SHANK2: variants seen among roughly 807,000 people sequenced by gnomAD.
The protein encoded by SHANK2 is SH3 and multiple ankyrin repeat domains 2.
SHANK2 carries 43 observed loss-of-function variants against 133.7 expected under a neutral mutation model. That is an observed-to-expected ratio of 0.32 (90% CI 0.25 to 0.41). SHANK2 has a LOEUF of 0.41. SHANK2 is among the 10% of genes least tolerant of loss of function. SHANK2 has a pLI of 1.00. For synonymous variants in SHANK2, 1,017 were observed against 952.8 expected, an observed-to-expected ratio of 1.07 and a Z score of -1.24; for missense variants, 1,994 against 2,235.8, an observed-to-expected ratio of 0.89 and a Z score of 2.18.
At chr11:71,082,588 T>C (rs1415443951) in intron 8 of SHANK2, among the ~76,000 whole-genome samples, 1 of 152,120 alleles carries the variant, frequency 6.6e-6, no homozygotes, top group Non-Finnish European at 1.5e-5. Context: ...CCAGAAAGCT[T>C]GGACCCAGAA....
At chr11:70,727,250 G>A (rs1047482549) in intron 14 of SHANK2, among the ~76,000 whole-genome samples, 11 of 152,342 alleles carry the variant, frequency 7.2e-5, no homozygotes, top group Admixed American at 2.6e-4. Flanking sequence ...AATGCATTGC[G>A]AATTTTAAAG....
chr11:70,576,882 C>T (rs2060122278), intron 17 of SHANK2, among the ~76,000 whole-genome samples: 1 of 152,228 alleles, frequency 6.6e-6, no homozygotes, highest in African/African-American at 2.4e-5. Context: ...TGAGGGGGGC[C>T]ATGAGTCAGC....
chr11:70,800,241 G>T (rs1040326257), intron 13 of SHANK2, among the ~76,000 whole-genome samples: 6 of 152,124 alleles, frequency 3.9e-5, no homozygotes, highest in Non-Finnish European at 8.8e-5. Flanking sequence ...GCCCAGGCTG[G>T]TTTCAAAACC....
chr11:70,680,407 G>A lies in SHANK2; in HGVS notation c.1853+18281C>T, dbSNP rs536583862. 1.1e-4 allele frequency among the ~76,000 whole-genome samples: 17 copies of A among 152,256 alleles called. 1 individual carries two copies. The South Asian group carries it at 3.5e-3, about 32-fold the overall frequency. On this transcript the variant is annotated intron_variant, in intron 15 of 25. Coordinates refer to ENST00000601538, the MANE Select transcript of SHANK2 (RefSeq NM_012309.5). ...CCACCCAGGCTCCAGAGGAGGGGCT[G>A]CTTGTGTTCTCTGGTTTCTAGTGGC... is the stretch of plus-strand genomic sequence containing the variant.
At chr11:70,637,574 G>A (rs1555004791) in intron 17 of SHANK2, among the ~76,000 whole-genome samples, 1 of 152,184 alleles carries the variant, frequency 6.6e-6, no homozygotes, top group Admixed American at 6.5e-5. Context: ...CCATCGGGAA[G>A]CAGCCACTGC....
chr11:70,661,006 C>A (rs1555013104), intron 16 of SHANK2, among the ~76,000 whole-genome samples: 1 of 152,244 alleles, frequency 6.6e-6, no homozygotes, highest in Non-Finnish European at 1.5e-5. Context: ...CCATGGACTG[C>A]ATTCCTGAGC....
intron 2 of SHANK2, among the ~76,000 whole-genome samples, chr11:71,210,210 G>GTGTATATATATGTGTATATATA (rs1491563939): frequency 3.7e-5 from 2 of 54,064 alleles, no homozygotes; most frequent in Non-Finnish European, 6.5e-5. Flanking sequence ...AAATCCACAG[G>GTGTATATATATGTGTATATATA]TATATATATA....
chr11:70,605,548 C>T lies in SHANK2; in HGVS notation c.2061+54280G>A, dbSNP rs141103050. ...TGAGCTCCTGCAGATTTCTTAATGG[C>T]CGGCTGCCTCCGGTGGCCTTATTTT... On this transcript the variant is annotated intron_variant, in intron 17 of 25. Transcript: ENST00000601538. Among the ~76,000 whole-genome samples the T allele has an allele frequency of 5.5e-3, 835 of 152,358 alleles. 6 individuals are homozygous for T. Among genetic ancestry groups the T allele is most frequent in the Non-Finnish European group, 8.0e-3 (543 of 68,042 alleles).
chr11:71,131,637 T>C, intron 3 of SHANK2, among the ~76,000 whole-genome samples: 1 of 152,164 alleles, frequency 6.6e-6, no homozygotes, highest in East Asian at 1.9e-4. Context: ...GGGGGTGACT[T>C]AATCTTCCTC....
chr11:71,241,282 T>C (rs1954887218), intron 1 of SHANK2, among the ~76,000 whole-genome samples: 1 of 151,740 alleles, frequency 6.6e-6, no homozygotes, highest in South Asian at 2.1e-4. Context: ...CGGTTAACCA[T>C]TCCATAGAAT....
At chr11:70,839,304 T>C (rs782164055) in intron 11 of SHANK2, among the ~76,000 whole-genome samples, 4 of 152,158 alleles carry the variant, frequency 2.6e-5, no homozygotes, top group Non-Finnish European at 5.9e-5. Context: ...CTTTATTTGG[T>C]AACTCAGCCT....
At chr11:71,130,693 C>T (rs1952284723) in intron 3 of SHANK2, among the ~76,000 whole-genome samples, 1 of 152,158 alleles carries the variant, frequency 6.6e-6, no homozygotes, top group Admixed American at 6.5e-5. Flanking sequence ...TCAGGTGAGA[C>T]TTACATCCAC....
In SHANK2 at chr11:71,119,165, G is replaced by A. The variant is rs150564565; in HGVS notation, c.208-133C>T. On this transcript the variant is annotated intron_variant, in intron 3 of 25. Coordinates refer to ENST00000601538, the MANE Select transcript of SHANK2 (RefSeq NM_012309.5). Reference sequence around the variant, plus strand: ...ACTTCCTCTGAGCAGTGAACCCACGGCTTTTCACAGTGAAAAATAAAGCCT... The same window carrying A: ...ACTTCCTCTGAGCAGTGAACCCACGACTTTTCACAGTGAAAAATAAAGCCT... 497 of 666,782 alleles carry A rather than the reference G, an allele frequency of 7.5e-4. No individual in the cohort carries two copies. The African/African-American group carries it at 8.3e-3, about 11-fold the overall frequency. 41.3% of individuals were successfully genotyped at this position (666,782 alleles called of 1,614,324 possible).
chr11:71,086,792 C>T (rs891125248), intron 8 of SHANK2, among the ~76,000 whole-genome samples: 1 of 152,092 alleles, frequency 6.6e-6, no homozygotes, highest in South Asian at 2.1e-4. Flanking sequence ...CCTGCAGGCC[C>T]GTGCAGGGCA....
intron 12 of SHANK2, among the ~76,000 whole-genome samples, chr11:70,815,077 G>T (rs782643861): frequency 1.3e-5 from 2 of 152,168 alleles, no homozygotes; most frequent in Admixed American, 6.5e-5. Context: ...GCCCCCAGGG[G>T]CGGAGCTGGC....
intron 2 of SHANK2, among the ~76,000 whole-genome samples, chr11:71,162,910 A>C (rs538277531): frequency 6.6e-6 from 1 of 151,654 alleles, no homozygotes; most frequent in South Asian, 2.1e-4. Flanking sequence ...GTCTCTACTA[A>C]AAATACAAAA....
At chr11:70,688,167 G>A (rs2000516) in intron 15 of SHANK2, among the ~76,000 whole-genome samples, 9,895 of 152,104 alleles carry the variant, frequency 0.065, 369 homozygotes, top group Middle Eastern at 0.11. Context: ...GACCAAGTGC[G>A]CCCAGCCCCA....
chr11:70,797,832 T>TACACACACACAC (rs368707688), intron 14 of SHANK2, among the ~76,000 whole-genome samples: 395 of 142,036 alleles, frequency 2.8e-3, no homozygotes, highest in African/African-American at 3.5e-3. Flanking sequence ...TCCACTCTCA[T>TACACACACACAC]ACACACACAC....
At chr11:70,530,931 C>T (rs1351637589) in intron 17 of SHANK2, among the ~76,000 whole-genome samples, 14 of 151,704 alleles carry the variant, frequency 9.2e-5, no homozygotes, top group South Asian at 2.1e-4. Flanking sequence ...CTTGGGAGGC[C>T]GAGGCGGGTG....
Sources: allele counts gnomAD v4.1 joint callset (sites outside exome capture counted in the v4.1 genomes callset), GRCh38; gene constraint gnomAD v4.1.1; transcripts MANE v1.5; gene names NCBI Gene and HGNC (gene_info 2026-07-23, HGNC 2026-07-21).